The following FBLN2 variants were observed in gnomAD, a reference collection of about 807,000 sequenced individuals.
The protein encoded by FBLN2 is fibulin-2.
FBLN2 carries 81 observed loss-of-function variants against 123.7 expected under a neutral mutation model. The ratio of observed to expected loss-of-function variants is 0.65; its 90% CI spans 0.55 to 0.79. The LOEUF (loss-of-function observed/expected upper bound fraction) is 0.79, where lower values mean the gene tolerates loss of function less well. Ranked by LOEUF, FBLN2 falls within the 30% of genes least tolerant of loss-of-function variation. The pLI is 0.00. For missense variants in FBLN2, 1,603 were observed against 1,681.3 expected (o/e 0.95, Z 0.81); for synonymous variants, 699 against 701.4 (o/e 1.00, Z 0.05).
At chr3:13,609,488 G>A (rs1196701559) in intron 3 of FBLN2, 25 bp from the exon 4 acceptor site, 1 of 1,524,452 alleles carries the variant, frequency 6.6e-7, no homozygotes, top group Non-Finnish European at 8.8e-7. Context: ...GGCGACTGGG[G>A]GCTAAGTTAC....
intron 17 of FBLN2, 84 bp from the exon 18 acceptor site, chr3:13,637,478 C>T (rs1380530917): frequency 9.4e-6 from 12 of 1,282,588 alleles, no homozygotes; most frequent in Non-Finnish European, 1.3e-5. Flanking sequence ...CTTGATCCTG[C>T]CGCTGAGCTG....
At chr3:13,568,434 G>A (rs931482812) in intron 1 of FBLN2, among the ~76,000 whole-genome samples, 1 of 152,198 alleles carries the variant, frequency 6.6e-6, no homozygotes, top group Non-Finnish European at 1.5e-5. Context: ...GCTGGCTCCC[G>A]TGTCTCAGCG....
At chr3:13,576,413 G>A (rs968980064) in intron 2 of FBLN2, among the ~76,000 whole-genome samples, 4 of 152,218 alleles carry the variant, frequency 2.6e-5, no homozygotes, top group African/African-American at 9.6e-5. Context: ...CATGCTCAGA[G>A]CTGACACCTG....
At chr3:13,555,587 T>G (rs1191722020) in intron 1 of FBLN2, among the ~76,000 whole-genome samples, 1 of 152,140 alleles carries the variant, frequency 6.6e-6, no homozygotes, top group Non-Finnish European at 1.5e-5. Flanking sequence ...CCCGAGTAGC[T>G]GGGACTACAG....
At chr3:13,587,142 C>A (rs1574963221) in intron 2 of FBLN2, among the ~76,000 whole-genome samples, 1 of 118,922 alleles carries the variant, frequency 8.4e-6, no homozygotes, top group East Asian at 2.4e-4. Context: ...GAGACTCCGT[C>A]TCAAAAAAAA....
intron 1 of FBLN2, among the ~76,000 whole-genome samples, chr3:13,553,133 G>C (rs1181299488): frequency 1.3e-5 from 2 of 152,198 alleles, no homozygotes; most frequent in Non-Finnish European, 1.5e-5. Flanking sequence ...CTTTCAGAGT[G>C]GGGGCTTGGA....
At chr3:13,619,594 G>C (rs1050907126) in intron 7 of FBLN2, 136 bp from the exon 8 acceptor site, 11 of 690,092 alleles carry the variant, frequency 1.6e-5, no homozygotes, top group Non-Finnish European at 2.5e-5. Flanking sequence ...GGCGTTCCTT[G>C]TCTCCCAGCA....
At position 13,618,014 on chromosome 3, in the gene FBLN2, G is replaced by T. The variant is rs556262541; in HGVS notation, c.1730-62G>T. 2,727 of 1,506,020 alleles carry T rather than the reference G, an allele frequency of 1.8e-3. 20 individuals are homozygous for T. The highest frequency in any genetic ancestry group is 0.017 in the Middle Eastern group (71 of 4,242). 93.3% of individuals were successfully genotyped at this position (1,506,020 alleles called of 1,614,324 possible). A position where few individuals can be genotyped will look rare whatever the true frequency, so the allele number is the denominator to read the frequency against. ...GACCTGCACTAGTTTCCCAAAGCTG[G>T]TTGTCTCAGCCACCTACTCTGACCA... is the stretch of plus-strand genomic sequence containing the variant. On this transcript the variant is annotated intron_variant, in intron 5 of 17. Transcript: ENST00000404922.
chr3:13,629,273 C>G lies in FBLN2; in HGVS notation c.2823C>G (p.Ala941=). 1.2e-6 allele frequency: 2 copies of G among 1,611,528 alleles called. No individual in the cohort carries two copies. The highest frequency in any genetic ancestry group is 1.7e-6 in the Non-Finnish European group (2 of 1,179,322). Residue 941 remains alanine, a synonymous_variant, in exon 13 of 18, where the codon GCC becomes GCG. Coordinates refer to ENST00000404922, the MANE Select transcript of FBLN2 (RefSeq NM_001004019.2). ...CDCKAGFQRD[A]FGRGCIDVNE... is the part of the protein sequence containing the mutation. Reference sequence around the variant, plus strand: ...GCAAAGCCGGCTTTCAGCGGGATGCCTTTGGCCGGGGCTGCATCGGTAGGT... The same window carrying G: ...GCAAAGCCGGCTTTCAGCGGGATGCGTTTGGCCGGGGCTGCATCGGTAGGT...
chr3:13,629,686 C>T (rs889993414), intron 13 of FBLN2, 134 bp from the exon 14 acceptor site: 10 of 1,258,490 alleles, frequency 7.9e-6, no homozygotes, highest in Non-Finnish European at 9.8e-6. Flanking sequence ...CTTTCCCTGT[C>T]CTGGCCTCTC....
Position 13,626,705 on chromosome 3 carries a change from C to T in FBLN2, c.2431+126C>T, listed in dbSNP as rs140994770. 3.8e-4 allele frequency: 371 copies of T among 973,066 alleles called. 4 individuals carry two copies. In the East Asian group the frequency reaches 9.7e-3, roughly 25 times the overall value. The allele number at this position is 973,066 out of a possible 1,614,324, so 60.3% of individuals were successfully genotyped here. On this transcript the variant is annotated intron_variant, in intron 10 of 17. Coordinates refer to ENST00000404922, the MANE Select transcript of FBLN2 (RefSeq NM_001004019.2). Reference sequence around the variant, plus strand: ...GGCCTGGCCACGCCCCTCTCCATCCCCTCCTTTCTAGCAAGCTCCCCTTAG... The same window carrying T: ...GGCCTGGCCACGCCCCTCTCCATCCTCTCCTTTCTAGCAAGCTCCCCTTAG...
In FBLN2 at chr3:13,637,542, C is replaced by G. The variant is rs1706519844; in HGVS notation, c.3339-20C>G. 2 of 1,574,542 alleles carry G rather than the reference C, an allele frequency of 1.3e-6. No individual in the cohort carries two copies. Among genetic ancestry groups the G allele is most frequent in the South Asian group, 2.3e-5 (2 of 85,122 alleles). ...GGGGGGTGGGCGAGCTGTGGGTGAC[C>G]CGGCCTATCCTCCCTGCAGGAAGTG... On this transcript the variant is annotated intron_variant, in intron 17 of 17. Coordinates refer to ENST00000404922, the MANE Select transcript of FBLN2 (RefSeq NM_001004019.2).
At chr3:13,583,299 C>T (rs55721138) in intron 2 of FBLN2, among the ~76,000 whole-genome samples, 3,888 of 152,356 alleles carry the variant, frequency 0.026, 63 homozygotes, top group Non-Finnish European at 0.036. Context: ...GTCGTGACCC[C>T]GTGAGGGGAT....
At position 13,570,463 on chromosome 3, in the gene FBLN2, G is replaced by T; in HGVS notation, c.108G>T (p.Val36=). The T allele has an allele frequency of 6.4e-7, 1 of 1,574,712 alleles. No homozygotes were observed. Residue 36 remains valine, a synonymous_variant, in exon 2 of 18, where the codon GTG becomes GTT. Coordinates refer to ENST00000404922, the MANE Select transcript of FBLN2 (RefSeq NM_001004019.2). ...AAAPRQDCTG[V]ECPPLENCIE... ...CCCCTCGGCAGGACTGCACGGGCGT[G>T]GAGTGCCCGCCGCTGGAGAACTGCA...
intron 7 of FBLN2, 21 bp from the exon 8 acceptor site, chr3:13,619,709 T>C: frequency 6.2e-7 from 1 of 1,608,316 alleles, no homozygotes; most frequent in Non-Finnish European, 8.5e-7. Context: ...TGGTCTCTGA[T>C]TTCTGTGTGG....
At position 13,584,280 on chromosome 3, in the gene FBLN2, C is replaced by G. The variant is rs75811186; in HGVS notation, c.1306+12619C>G. ...CTTGCTGCCATAGCTTGGACTCTCCCTCTGCCACCCCTCCTGACACCACTA... is the reference window on the plus strand; with the variant it reads ...CTTGCTGCCATAGCTTGGACTCTCCGTCTGCCACCCCTCCTGACACCACTA... On this transcript the variant is annotated intron_variant, in intron 2 of 17. Coordinates refer to ENST00000404922, the MANE Select transcript of FBLN2 (RefSeq NM_001004019.2). Among the ~76,000 whole-genome samples, 1,447 of 152,348 alleles carry G rather than the reference C, an allele frequency of 9.5e-3. 17 individuals are homozygous for G. The highest frequency in any genetic ancestry group is 0.032 in the African/African-American group (1,351 of 41,580).
At chr3:13,603,304 T>C (rs1705099193) in intron 2 of FBLN2, among the ~76,000 whole-genome samples, 1 of 151,770 alleles carries the variant, frequency 6.6e-6, no homozygotes, top group African/African-American at 2.4e-5. Flanking sequence ...TTGTTACATA[T>C]GTATACATGT....
intron 1 of FBLN2, among the ~76,000 whole-genome samples, chr3:13,554,857 G>T (rs116132919): frequency 6.6e-6 from 1 of 151,832 alleles, no homozygotes; most frequent in South Asian, 2.1e-4. Context: ...CCGTGTTTTC[G>T]GCTGCATCCT....
At chr3:13,549,298 G>A (rs2125027323) in intron 1 of FBLN2, 90 bp downstream of exon 1, 2 of 864,188 alleles carry the variant, frequency 2.3e-6, no homozygotes, top group South Asian at 5.3e-5. Flanking sequence ...ACGCACCGAC[G>A]GCTCGGCGGA....
Sources: allele counts gnomAD v4.1 joint callset (sites outside exome capture counted in the v4.1 genomes callset), GRCh38; gene constraint gnomAD v4.1.1; transcripts MANE v1.5; gene names NCBI Gene and HGNC (gene_info 2026-07-23, HGNC 2026-07-21).